Variants in ASTN1 observed in about 807,000 individuals in gnomAD.
ASTN1 encodes astrotactin 1.
A neutral mutation model predicts 140.7 loss-of-function variants in ASTN1; 41 were observed. The observed-to-expected ratio is 0.29, with a 90% CI of 0.23 to 0.38. ASTN1 has a LOEUF of 0.38. Ranked by LOEUF, ASTN1 falls within the 10% of genes least tolerant of loss-of-function variation. ASTN1 has a pLI of 1.00. For synonymous variants in ASTN1, 640 were observed against 652.2 expected (o/e 0.98, Z 0.29); for missense variants, 1,479 against 1,678.8 (o/e 0.88, Z 2.08).
At chr1:177,133,376 A>C (rs1426341558) in intron 1 of ASTN1, among the ~76,000 whole-genome samples, 1 of 152,218 alleles carries the variant, frequency 6.6e-6, no homozygotes, top group East Asian at 1.9e-4. Flanking sequence ...ACATCTTGTC[A>C]CCTTAAAAAT....
intron 1 of ASTN1, among the ~76,000 whole-genome samples, chr1:177,082,185 T>A (rs569561777): frequency 5.3e-5 from 8 of 152,244 alleles, no homozygotes; most frequent in African/African-American, 1.4e-4. Context: ...GCACAAGTGA[T>A]GGTAAGTGGA....
chr1:176,996,220 G>A (rs1295006816), intron 8 of ASTN1, among the ~76,000 whole-genome samples: 2 of 151,258 alleles, frequency 1.3e-5, no homozygotes, highest in African/African-American at 4.9e-5. Context: ...AGGCTCCCCA[G>A]TTCCCAAGGT....
At chr1:177,104,868 A>T (rs1228895919) in intron 1 of ASTN1, among the ~76,000 whole-genome samples, 1 of 152,234 alleles carries the variant, frequency 6.6e-6, no homozygotes, top group Non-Finnish European at 1.5e-5. Flanking sequence ...CCCACACTTT[A>T]CAACTGTGAA....
intron 8 of ASTN1, among the ~76,000 whole-genome samples, chr1:177,009,860 T>C (rs1675201571): frequency 6.6e-6 from 1 of 152,204 alleles, no homozygotes; most frequent in Admixed American, 6.5e-5. Flanking sequence ...CCTTCAGCAT[T>C]GAAATCTAGT....
intron 1 of ASTN1, among the ~76,000 whole-genome samples, chr1:177,101,846 C>A (rs1680316052): frequency 6.6e-6 from 1 of 152,178 alleles, no homozygotes; most frequent in South Asian, 2.1e-4. Flanking sequence ...CTTCCCTCAT[C>A]ATTGATTATG....
chr1:176,944,907 T>G (rs1216950913), intron 13 of ASTN1, among the ~76,000 whole-genome samples: 1 of 152,190 alleles, frequency 6.6e-6, no homozygotes, highest in Non-Finnish European at 1.5e-5. Context: ...TAGTAATGTC[T>G]CCTGTCTACA....
chr1:177,147,746 C>A (rs1571850395), intron 1 of ASTN1, among the ~76,000 whole-genome samples: 1 of 152,246 alleles, frequency 6.6e-6, no homozygotes, highest in South Asian at 2.1e-4. Context: ...CCAAGCTGAC[C>A]AGTTATTACA....
chr1:177,091,303 A>T (rs980749203), intron 1 of ASTN1, among the ~76,000 whole-genome samples: 1 of 152,196 alleles, frequency 6.6e-6, no homozygotes, highest in Non-Finnish European at 1.5e-5. Flanking sequence ...GTTGACTCAC[A>T]TCAGGCTTCC....
intron 1 of ASTN1, among the ~76,000 whole-genome samples, chr1:177,154,990 A>G (rs1003126416): frequency 3.9e-5 from 6 of 152,192 alleles, no homozygotes; most frequent in African/African-American, 1.4e-4. Flanking sequence ...TGGACAAACT[A>G]TGGTACTTCA....
intron 1 of ASTN1, among the ~76,000 whole-genome samples, chr1:177,147,236 T>C (rs917763835): frequency 1.3e-5 from 2 of 152,138 alleles, no homozygotes; most frequent in Admixed American, 1.3e-4. Flanking sequence ...AAAGACACCC[T>C]GGAAAGGGTA....
At chr1:177,056,241 C>T (rs1056789460) in intron 2 of ASTN1, among the ~76,000 whole-genome samples, 1 of 152,170 alleles carries the variant, frequency 6.6e-6, no homozygotes, top group Admixed American at 6.5e-5. Flanking sequence ...TCCCACAGTG[C>T]CCATTTTATT....
chr1:177,023,242 C>T, intron 7 of ASTN1, 162 bp downstream of exon 7: 1 of 876,726 alleles, frequency 1.1e-6, no homozygotes. Context: ...CAGTTTTAGC[C>T]AATAAGCTCT....
At chr1:177,065,990 A>G (rs1382537595) in intron 1 of ASTN1, among the ~76,000 whole-genome samples, 1 of 152,192 alleles carries the variant, frequency 6.6e-6, no homozygotes, top group Non-Finnish European at 1.5e-5. Context: ...CCTTGATTTG[A>G]GTTTTCTCGT....
At chr1:176,944,061 C>T in intron 13 of ASTN1, 43 bp from the exon 14 acceptor site, 2 of 1,597,662 alleles carry the variant, frequency 1.3e-6, no homozygotes, top group Non-Finnish European at 1.7e-6. Context: ...TTCAGGTGAA[C>T]CTGACTCCTT....
Position 176,941,555 on chromosome 1 carries a change from T to G in ASTN1, c.2377+2336A>C, listed in dbSNP as rs190838126. Among the ~76,000 whole-genome samples, 416 of 152,322 alleles carry G rather than the reference T, an allele frequency of 2.7e-3. 2 individuals carry two copies. The highest frequency in any genetic ancestry group is 9.4e-3 in the African/African-American group (390 of 41,560). On this transcript the variant is annotated intron_variant, in intron 14 of 22. Transcript: ENST00000361833. ...GTCCAATGGCATGTGCAGGAAGTAC[T>G]TTCTATCGTGAATGAGCACCAGGTT...
intron 8 of ASTN1, among the ~76,000 whole-genome samples, chr1:176,990,525 G>A (rs1486719946): frequency 6.6e-6 from 1 of 151,768 alleles, no homozygotes; most frequent in Non-Finnish European, 1.5e-5. Context: ...GGCAGTGGGG[G>A]CAAAAGGAAG....
chr1:176,969,745 G>T (rs1673054519), intron 8 of ASTN1, among the ~76,000 whole-genome samples: 1 of 152,176 alleles, frequency 6.6e-6, no homozygotes, highest in Non-Finnish European at 1.5e-5. Flanking sequence ...TTGATATGTG[G>T]TCTCCAATAT....
intron 1 of ASTN1, among the ~76,000 whole-genome samples, chr1:177,142,211 C>T (rs1437750800): frequency 6.6e-6 from 1 of 151,136 alleles, no homozygotes; most frequent in Non-Finnish European, 1.5e-5. Context: ...TACACATTGT[C>T]AGCAAATTTA....
chr1:177,023,709 T>A, intron 6 of ASTN1, 138 bp from the exon 7 acceptor site: 1 of 1,013,846 alleles, frequency 9.9e-7, no homozygotes, highest in Non-Finnish European at 1.4e-6. Context: ...AGCCCATCAT[T>A]AGCCCCAGAG....
Sources: allele counts gnomAD v4.1 joint callset (sites outside exome capture counted in the v4.1 genomes callset), GRCh38; gene constraint gnomAD v4.1.1; transcripts MANE v1.5; gene names NCBI Gene and HGNC (gene_info 2026-07-23, HGNC 2026-07-21).